PRKCA: variants seen among roughly 807,000 people sequenced by gnomAD.
The protein encoded by PRKCA is protein kinase C alpha.
PRKCA carries 27 observed loss-of-function variants against 87.0 expected under a neutral mutation model. That is an observed-to-expected ratio of 0.31 (90% CI 0.23 to 0.43). The LOEUF (loss-of-function observed/expected upper bound fraction) is 0.43. Among genes scored for constraint, PRKCA ranks in the 20% least tolerant of loss-of-function variants. The pLI, the probability that PRKCA is intolerant of heterozygous loss-of-function variation, is 1.00. For missense variants in PRKCA, 518 were observed against 852.3 expected, an observed-to-expected ratio of 0.61 and a Z score of 4.88; for synonymous variants, 329 against 311.1, an observed-to-expected ratio of 1.06 and a Z score of -0.61.
At chr17:66,740,196 C>T (rs867006782) in intron 11 of PRKCA, among the ~76,000 whole-genome samples, 7 of 151,960 alleles carry the variant, frequency 4.6e-5, no homozygotes, top group Non-Finnish European at 1.0e-4. Flanking sequence ...TTTATTGGAA[C>T]GCACCTGCAT....
chr17:66,616,852 C>T (rs1368350682), intron 3 of PRKCA, among the ~76,000 whole-genome samples: 3 of 147,906 alleles, frequency 2.0e-5, no homozygotes, highest in African/African-American at 7.5e-5. Flanking sequence ...GGGCTGGGGC[C>T]AGGGAGCTGC....
chr17:66,595,302 G>C (rs1408351573), intron 3 of PRKCA, among the ~76,000 whole-genome samples: 1 of 151,868 alleles, frequency 6.6e-6, no homozygotes, highest in African/African-American at 2.4e-5. Flanking sequence ...CAAAATGCTA[G>C]GATTACAGGT....
At chr17:66,552,660 C>T (rs1384245494) in intron 3 of PRKCA, among the ~76,000 whole-genome samples, 3 of 152,222 alleles carry the variant, frequency 2.0e-5, no homozygotes, top group African/African-American at 7.2e-5. Context: ...CAGGAGAGAA[C>T]TACCAGCAAG....
chr17:66,590,302 A>G (rs78303541), intron 3 of PRKCA, among the ~76,000 whole-genome samples: 8,001 of 152,184 alleles, frequency 0.053, 267 homozygotes, highest in East Asian at 0.12. Flanking sequence ...CCTTGACTAA[A>G]AGCACAGCCC....
chr17:66,727,048 C>T (rs1006204309), intron 8 of PRKCA, among the ~76,000 whole-genome samples: 1 of 151,994 alleles, frequency 6.6e-6, no homozygotes, highest in Admixed American at 6.6e-5. Context: ...AGCAGTAGCC[C>T]GCCAGCGAGA....
At chr17:66,701,212 A>G (rs1286790797) in intron 8 of PRKCA, among the ~76,000 whole-genome samples, 1 of 152,200 alleles carries the variant, frequency 6.6e-6, no homozygotes, top group Non-Finnish European at 1.5e-5. Flanking sequence ...AGTCTCTTGA[A>G]TAAAAGGTGT....
intron 3 of PRKCA, among the ~76,000 whole-genome samples, chr17:66,620,678 C>T (rs181095067): frequency 7.2e-5 from 11 of 152,256 alleles, no homozygotes; most frequent in Non-Finnish European, 1.3e-4. Context: ...CCGAGTGATT[C>T]TATCTAAGAA....
chr17:66,728,682 G>A (rs78424520), intron 8 of PRKCA, among the ~76,000 whole-genome samples: 66 of 152,350 alleles, frequency 4.3e-4, no homozygotes, highest in African/African-American at 1.5e-3. Context: ...TATGTCTGCA[G>A]TTGAGGCGGT....
chr17:66,470,446 T>G (rs981321643), intron 2 of PRKCA, among the ~76,000 whole-genome samples: 4 of 151,960 alleles, frequency 2.6e-5, no homozygotes, highest in Admixed American at 2.6e-4. Context: ...CAGGCTGGTC[T>G]CGAACTCCTG....
intron 3 of PRKCA, among the ~76,000 whole-genome samples, chr17:66,508,868 G>A (rs141160235): frequency 3.9e-5 from 6 of 152,180 alleles, no homozygotes; most frequent in African/African-American, 1.4e-4. Flanking sequence ...GTTTTTTAAT[G>A]TGATTATGCA....
rs898990354 is a variant in PRKCA, at chr17:66,774,170, G to C, written c.1605+103G>C. ...CAAGACCTGACGTTTTAGTGCAGCT[G>C]GTGTTGGCGTGACTTCCCTGACCCA... On this transcript the variant is annotated intron_variant, in intron 14 of 16. Transcript: ENST00000413366. The C allele has an allele frequency of 2.7e-5, 43 of 1,589,712 alleles. 1 individual carries two copies. In the African/African-American group the frequency reaches 4.4e-4, roughly 16 times the overall value.
intron 3 of PRKCA, among the ~76,000 whole-genome samples, chr17:66,498,279 G>A (rs966049446): frequency 6.6e-6 from 1 of 152,130 alleles, no homozygotes; most frequent in Admixed American, 6.5e-5. Flanking sequence ...AAGTCCCATT[G>A]CACTTGTTTG....
chr17:66,522,191 G>T (rs1967182918), intron 3 of PRKCA, among the ~76,000 whole-genome samples: 1 of 152,206 alleles, frequency 6.6e-6, no homozygotes, highest in African/African-American at 2.4e-5. Context: ...CCCGTGGGAG[G>T]AACGTGCCCC....
intron 14 of PRKCA, among the ~76,000 whole-genome samples, chr17:66,779,749 G>A (rs1202869257): frequency 6.6e-6 from 1 of 152,174 alleles, no homozygotes; most frequent in African/African-American, 2.4e-5. Context: ...AGGAGCGGGT[G>A]AGAGGGGATA....
intron 2 of PRKCA, among the ~76,000 whole-genome samples, chr17:66,432,595 T>C (rs960356380): frequency 6.6e-6 from 1 of 152,194 alleles, no homozygotes; most frequent in African/African-American, 2.4e-5. Context: ...CTTTTCTAAG[T>C]TCCTGTATTT....
chr17:66,752,443 A>G (rs1280810590), intron 13 of PRKCA, among the ~76,000 whole-genome samples: 1 of 152,092 alleles, frequency 6.6e-6, no homozygotes, highest in Non-Finnish European at 1.5e-5. Context: ...AAAAATACAA[A>G]AAATTAGCTG....
At chr17:66,627,901 G>A (rs1240733748) in intron 3 of PRKCA, among the ~76,000 whole-genome samples, 1 of 152,188 alleles carries the variant, frequency 6.6e-6, no homozygotes, top group Non-Finnish European at 1.5e-5. Context: ...GCATCTTTGA[G>A]GAGAGAATGG....
At position 66,532,506 on chromosome 17, in the gene PRKCA, C is replaced by T. The variant is rs960749359; in HGVS notation, c.288+36223C>T. On this transcript the variant is annotated intron_variant, in intron 3 of 16. Transcript: ENST00000413366. The stretch of plus-strand genomic sequence containing the variant: ...TCCACCTCCTGAGGAGCTGGGATTA[C>T]AAGCATGCACCACCATGCCCGACTA... Among the ~76,000 whole-genome samples the T allele has an allele frequency of 2.3e-4, 35 of 151,850 alleles. 1 individual carries two copies. Among genetic ancestry groups the T allele is most frequent in the Non-Finnish European group, 1.5e-5 (1 of 67,998 alleles).
intron 2 of PRKCA, among the ~76,000 whole-genome samples, chr17:66,379,957 T>A (rs1909690822): frequency 1.3e-5 from 2 of 152,196 alleles, no homozygotes; most frequent in Non-Finnish European, 2.9e-5. Context: ...AAAATAGCCT[T>A]GATTTTTCTA....
Sources: allele counts gnomAD v4.1 joint callset (sites outside exome capture counted in the v4.1 genomes callset), GRCh38; gene constraint gnomAD v4.1.1; transcripts MANE v1.5; gene names NCBI Gene and HGNC (gene_info 2026-07-23, HGNC 2026-07-21).